Variants in EYS observed in about 807,000 individuals in gnomAD.
EYS encodes the protein EGF-like photoreceptor maintenance factor, also known as protein eyes shut homolog.
In EYS, 250 loss-of-function variants were observed where a neutral mutation model predicts 282.1. The observed-to-expected ratio is 0.89, with a 90% CI of 0.80 to 0.98. The LOEUF is 0.98. EYS is among the 50% of genes least tolerant of loss of function. The pLI, the probability that EYS is intolerant of heterozygous loss-of-function variation, is 0.00. For missense variants in EYS, 4,016 were observed against 3,709.0 expected, an observed-to-expected ratio of 1.08 and a Z score of -2.15; for synonymous variants, 1,355 against 1,282.9, an observed-to-expected ratio of 1.06 and a Z score of -1.20.
intron 8 of EYS, among the ~76,000 whole-genome samples, chr6:65,367,586 T>G (rs886662112): frequency 2.0e-5 from 3 of 151,696 alleles, no homozygotes; most frequent in Admixed American, 6.7e-5. Context: ...TCACTTCTTA[T>G]AGTTGTTTTA....
chr6:64,027,827 G>T (rs1258613633), intron 33 of EYS, among the ~76,000 whole-genome samples: 2 of 152,172 alleles, frequency 1.3e-5, no homozygotes, highest in Non-Finnish European at 2.9e-5. Flanking sequence ...GGTGCCTGGG[G>T]CAAGCGCCAG....
chr6:64,338,168 T>C (rs752391158), intron 29 of EYS, among the ~76,000 whole-genome samples: 1 of 151,964 alleles, frequency 6.6e-6, no homozygotes, highest in Non-Finnish European at 1.5e-5. Context: ...GGCATCCAAA[T>C]AGGTAAAGAG....
intron 31 of EYS, among the ~76,000 whole-genome samples, chr6:64,140,352 T>C (rs1774301376): frequency 6.6e-6 from 1 of 152,242 alleles, no homozygotes. Context: ...TCACAGAATA[T>C]TTAAGTGAAA....
chr6:63,868,312 G>A (rs774841671), intron 35 of EYS, among the ~76,000 whole-genome samples: 5 of 152,002 alleles, frequency 3.3e-5, no homozygotes, highest in African/African-American at 4.8e-5. Flanking sequence ...AGTATTAAAA[G>A]TTACCTTTAG....
chr6:64,060,077 G>C (rs1363844158), intron 33 of EYS, among the ~76,000 whole-genome samples: 2 of 152,032 alleles, frequency 1.3e-5, no homozygotes, highest in South Asian at 4.1e-4. Flanking sequence ...ATATCTTATA[G>C]ATTTAGCACA....
intron 11 of EYS, chr6:65,330,036 C>T: frequency 1.0e-6 from 1 of 984,270 alleles, no homozygotes; most frequent in Non-Finnish European, 1.2e-6. Context: ...GAAAGAAAGC[C>T]AGAAGACACA....
chr6:65,227,983 T>G (rs918072496), intron 12 of EYS, among the ~76,000 whole-genome samples: 7 of 151,940 alleles, frequency 4.6e-5, no homozygotes, highest in Non-Finnish European at 8.8e-5. Flanking sequence ...AAAGTTCTAG[T>G]AAGGAATAAG....
chr6:64,508,165 A>G (rs1777272286), intron 26 of EYS, among the ~76,000 whole-genome samples: 2 of 152,208 alleles, frequency 1.3e-5, no homozygotes, highest in Admixed American at 6.5e-5. Flanking sequence ...ACATTTGTTT[A>G]AATGAAGAAA....
intron 12 of EYS, among the ~76,000 whole-genome samples, chr6:65,294,154 G>A (rs1768601003): frequency 6.6e-6 from 1 of 151,732 alleles, no homozygotes; most frequent in Non-Finnish European, 1.5e-5. Context: ...CCAGATAGAG[G>A]AAGAGAAGGG....
At chr6:64,765,732 C>T (rs901651263) in intron 22 of EYS, among the ~76,000 whole-genome samples, 2 of 152,028 alleles carry the variant, frequency 1.3e-5, no homozygotes, top group East Asian at 1.9e-4. Flanking sequence ...GGAAATGCCA[C>T]ACACTTTAAA....
At chr6:63,850,763 C>G (rs1772225694) in intron 36 of EYS, among the ~76,000 whole-genome samples, 1 of 152,044 alleles carries the variant, frequency 6.6e-6, no homozygotes, top group Non-Finnish European at 1.5e-5. Flanking sequence ...AGAAACTGAC[C>G]AAACAATGTG....
intron 2 of EYS, among the ~76,000 whole-genome samples, chr6:65,587,809 T>C (rs983130078): frequency 3.9e-5 from 6 of 152,096 alleles, no homozygotes; most frequent in Admixed American, 6.6e-5. Context: ...TTTTTAAAAG[T>C]TCAATGTAAG....
intron 29 of EYS, among the ~76,000 whole-genome samples, chr6:64,381,178 C>T (rs927088732): frequency 2.6e-5 from 4 of 151,972 alleles, no homozygotes; most frequent in East Asian, 1.9e-4. Context: ...TTTATACTAA[C>T]GTTCTTTATA....
intron 28 of EYS, among the ~76,000 whole-genome samples, chr6:64,419,155 A>T (rs938890953): frequency 6.6e-6 from 1 of 152,184 alleles, no homozygotes; most frequent in Non-Finnish European, 1.5e-5. Flanking sequence ...ATATTAGTCC[A>T]TTCTCGTGCT....
chr6:63,949,891 T>C (rs1190144420), intron 35 of EYS, among the ~76,000 whole-genome samples: 1 of 152,158 alleles, frequency 6.6e-6, no homozygotes, highest in Non-Finnish European at 1.5e-5. Context: ...ATCTGCTTTT[T>C]GGCCAGGCGC....
At chr6:65,301,059 A>G (rs1403550900) in intron 11 of EYS, 2 of 152,258 alleles carry the variant, frequency 1.3e-5, no homozygotes, top group Non-Finnish European at 2.9e-5. Context: ...TGATGAGTAC[A>G]ATGCCTGTCT....
chr6:64,959,835 G>A (rs1769853395), intron 14 of EYS, among the ~76,000 whole-genome samples: 1 of 146,636 alleles, frequency 6.8e-6, no homozygotes, highest in Admixed American at 6.8e-5. Flanking sequence ...ATGTTGTAAA[G>A]TTTCAGCTGC....
intron 13 of EYS, among the ~76,000 whole-genome samples, chr6:65,022,140 C>T (rs1772269138): frequency 1.3e-5 from 2 of 152,192 alleles, no homozygotes; most frequent in African/African-American, 2.4e-5. Flanking sequence ...TAGCGTCTAT[C>T]CATTAGCATC....
chr6:64,463,933 C>T (rs77787795), intron 26 of EYS, among the ~76,000 whole-genome samples: 1,852 of 152,224 alleles, frequency 0.012, 27 homozygotes, highest in African/African-American at 0.042. Context: ...AGATTCATTG[C>T]GTGAAGCTAG....
Sources: allele counts gnomAD v4.1 joint callset (sites outside exome capture counted in the v4.1 genomes callset), GRCh38; gene constraint gnomAD v4.1.1; transcripts MANE v1.5; gene names NCBI Gene and HGNC (gene_info 2026-07-23, HGNC 2026-07-21).